Variants in POTEB3 observed in about 807,000 individuals in gnomAD.
POTEB3 encodes POTE ankyrin domain family member B3.
POTEB3 carries 5 observed loss-of-function variants against 39.8 expected under a neutral mutation model. The ratio of observed to expected loss-of-function variants is 0.13; its 90% confidence interval spans 0.07 to 0.26. The LOEUF (loss-of-function observed/expected upper bound fraction) is 0.26, where lower values mean the gene tolerates loss of function less well. POTEB3 is among the 10% of genes least tolerant of loss of function. POTEB3 has a pLI of 1.00. For synonymous variants in POTEB3, 5 were observed against 161.5 expected, an observed-to-expected ratio of 0.03 and a Z score of 7.35; for missense variants, 24 against 475.6, an observed-to-expected ratio of 0.05 and a Z score of 8.83.
At chr15:21,433,720 C>G (rs1349921403) in intron 3 of POTEB3, among the ~76,000 whole-genome samples, 71 of 149,456 alleles carry the variant, frequency 4.8e-4, no homozygotes, top group African/African-American at 1.7e-3. Flanking sequence ...TACTTATAAG[C>G]CCCTTATCTC....
chr15:21,424,935 A>G (rs1247048636), intron 6 of POTEB3: 2 of 146,800 alleles, frequency 1.4e-5, no homozygotes, highest in African/African-American at 5.1e-5. Context: ...TCCAACTATT[A>G]ATGTTATTTC....
chr15:21,431,425 ATAAAG>A (rs1392842038), intron 4 of POTEB3, among the ~76,000 whole-genome samples: 5 of 89,852 alleles, frequency 5.6e-5, no homozygotes, highest in Admixed American at 1.5e-4. Context: ...ATACTGAGTC[ATAAAG>A]TAAACTGAAA....
chr15:21,422,764 T>C (rs1198809735), intron 6 of POTEB3, among the ~76,000 whole-genome samples: 2 of 151,548 alleles, frequency 1.3e-5, no homozygotes, highest in Non-Finnish European at 2.9e-5. Flanking sequence ...ATTCTTGTTT[T>C]CCCTCAATGC....
intron 7 of POTEB3, among the ~76,000 whole-genome samples, chr15:21,421,031 C>A (rs28704083): frequency 3.2e-5 from 2 of 62,428 alleles, no homozygotes; most frequent in African/African-American, 8.1e-5. Context: ...TTTGTTTGGA[C>A]TAAACTTAAT....
chr15:21,414,460 AT>A (rs2141345678), intron 9 of POTEB3, among the ~76,000 whole-genome samples: 1 of 105,354 alleles, frequency 9.5e-6, no homozygotes, highest in Admixed American at 8.5e-5. Flanking sequence ...TATACAGAAA[AT>A]TTTTGGTTAA....
At position 21,410,002 on chromosome 15, in the gene POTEB3, CAT is replaced by C. The variant is rs1230255618; in HGVS notation, c.1534-809_1534-808del. 1.2e-4 allele frequency among the ~76,000 whole-genome samples: 10 copies of C among 86,704 alleles called. 3 individuals carry two copies. Among genetic ancestry groups the C allele is most frequent in the African/African-American group, 4.9e-4 (5 of 10,196 alleles). 56.9% of individuals were successfully genotyped at this position (86,704 alleles called of 152,430 possible). A position where few individuals can be genotyped will look rare whatever the true frequency, so the allele number is the denominator to read the frequency against. On this transcript the variant is annotated intron_variant, in intron 10 of 10. Coordinates refer to ENST00000611217, the MANE Select transcript of POTEB3 (RefSeq NM_207355.5). ...ACACACACACACACACACACACACACATATATATATGCAACGTGCAAGATTTT... is the reference window on the plus strand; with the variant it reads ...ACACACACACACACACACACACACACATATATATGCAACGTGCAAGATTTT...
intron 5 of POTEB3, among the ~76,000 whole-genome samples, chr15:21,429,239 C>G (rs71471947): frequency 0.042 from 5,583 of 134,058 alleles, 15 homozygotes; most frequent in East Asian, 0.14. Context: ...GGGGAAGGCT[C>G]ATATGGGACT....
chr15:21,423,396 CT>C (rs1898585782), intron 6 of POTEB3, among the ~76,000 whole-genome samples: 1 of 69,088 alleles, frequency 1.4e-5, no homozygotes, highest in African/African-American at 5.4e-5. Context: ...CACACCCAGC[CT>C]TGTTTTCATC....
intron 6 of POTEB3, among the ~76,000 whole-genome samples, chr15:21,422,717 A>C (rs1898556453): frequency 1.3e-5 from 2 of 150,896 alleles, no homozygotes; most frequent in African/African-American, 4.9e-5. Context: ...CTCAGCATTT[A>C]TTCATAGCTA....
Position 21,422,912 on chromosome 15 carries a change from G to A in POTEB3, c.1127-722C>T, listed in dbSNP as rs1385827026. On this transcript the variant is annotated intron_variant, in intron 6 of 10. Coordinates refer to ENST00000611217, the MANE Select transcript of POTEB3 (RefSeq NM_207355.5). ...GGGCTCAGCTTTTTGATGCAAATCC[G>A]CTGAGCTGGTGTGCACCTAAACAAA... Among the ~76,000 whole-genome samples the A allele has an allele frequency of 6.1e-3, 885 of 144,660 alleles. 2 individuals are homozygous for A. Among genetic ancestry groups the A allele is most frequent in the African/African-American group, 0.02 (788 of 38,826 alleles). The allele number at this position is 144,660 out of a possible 152,430, so 94.9% of individuals were successfully genotyped here.
rs1899201535 is a variant in POTEB3, at chr15:21,439,803, G to A, written c.209C>T (p.Pro70Leu). 1 of 1,563,936 alleles carries A rather than the reference G, an allele frequency of 6.4e-7. No individual in the cohort carries two copies. Among genetic ancestry groups the A allele is most frequent in the Non-Finnish European group, 8.7e-7 (1 of 1,147,664 alleles). The change falls in exon 1 of 11, where the codon CCC (proline) becomes CTC (leucine). Residue 70 changes from proline (P) to leucine (L), a missense_variant. By Grantham distance (98) the Pro-to-Leu change is moderately conservative. Coordinates refer to ENST00000611217, the MANE Select transcript of POTEB3 (RefSeq NM_207355.5). Reference protein sequence around the residue: ...KMGKCCHHCFPCCRGSGTSNV... With the variant: ...KMGKCCHHCFLCCRGSGTSNV... ...GCTCGTGCCGCTCCCCCTGCAGCAGGGGAAGCAGTGGTGGCAACACTTGCC... is the reference window on the plus strand; with the variant it reads ...GCTCGTGCCGCTCCCCCTGCAGCAGAGGAAGCAGTGGTGGCAACACTTGCC...
In POTEB3 at chr15:21,434,062, CACAA is replaced by C. The variant is rs1442085183; in HGVS notation, c.810+595_810+598del. Among the ~76,000 whole-genome samples, 47 of 98,818 alleles carry C rather than the reference CACAA, an allele frequency of 4.8e-4. 3 individuals carry two copies. The highest frequency in any genetic ancestry group is 7.9e-4 in the African/African-American group (14 of 17,630). 64.8% of individuals were successfully genotyped at this position (98,818 alleles called of 152,430 possible). The stretch of plus-strand genomic sequence containing the variant: ...ACACACACACACACACACACACACA[CACAA>C]ACAAAAACAAAAACAAAAAAAAAAC... On this transcript the variant is annotated intron_variant, in intron 3 of 10. Transcript: ENST00000611217.
intron 6 of POTEB3, chr15:21,425,998 T>A: frequency 3.1e-6 from 1 of 318,854 alleles, no homozygotes; most frequent in South Asian, 2.4e-5. Flanking sequence ...CTCATTTCTA[T>A]AGTATTAAAA....
At chr15:21,419,792 T>C (rs1898463727) in intron 8 of POTEB3, among the ~76,000 whole-genome samples, 162 bp from the exon 9 acceptor site, 1 of 138,566 alleles carries the variant, frequency 7.2e-6, no homozygotes, top group African/African-American at 2.9e-5. Flanking sequence ...CCGTATAATT[T>C]TAAGATGTAA....
chr15:21,406,623 G>GT lies in POTEB3; in HGVS notation c.*2359dup, dbSNP rs1234699693. Among the ~76,000 whole-genome samples the GT allele has an allele frequency of 2.1e-5, 1 of 47,098 alleles. No homozygotes were observed. Among genetic ancestry groups the GT allele is most frequent in the East Asian group, 5.3e-4 (1 of 1,870 alleles). The allele number at this position is 47,098 out of a possible 152,430, so 30.9% of individuals were successfully genotyped here. A position where few individuals can be genotyped will look rare whatever the true frequency, so the allele number is the denominator to read the frequency against. On this transcript the variant is annotated 3_prime_UTR_variant, in exon 11 of 11. Coordinates refer to ENST00000611217, the MANE Select transcript of POTEB3 (RefSeq NM_207355.5). ...CCTACCCATATCCTGAACTCTGCTTGTATCATTTCAGACATCTCAGCCTCA... is the reference window on the plus strand; with the variant it reads ...CCTACCCATATCCTGAACTCTGCTTGTTATCATTTCAGACATCTCAGCCTCA...
At chr15:21,417,935 C>T (rs1225676924) in intron 9 of POTEB3, among the ~76,000 whole-genome samples, 1 of 106,356 alleles carries the variant, frequency 9.4e-6, no homozygotes, top group South Asian at 2.3e-4. Context: ...TTCCTTTTAG[C>T]ACAAGGGTCA....
At chr15:21,430,687 CA>C (rs1898922880) in intron 4 of POTEB3, among the ~76,000 whole-genome samples, 1 of 151,092 alleles carries the variant, frequency 6.6e-6, no homozygotes, top group South Asian at 2.1e-4. Flanking sequence ...ATGCTAGGGC[CA>C]CTTATCTGAA....
intron 6 of POTEB3, among the ~76,000 whole-genome samples, chr15:21,426,473 G>A (rs1261513503): frequency 6.7e-6 from 1 of 148,938 alleles, no homozygotes; most frequent in Non-Finnish European, 1.5e-5. Flanking sequence ...TTAATTGTGT[G>A]TGTTCTGTAG....
At chr15:21,434,030 AACACACACACACACAC>A (rs60010729) in intron 3 of POTEB3, among the ~76,000 whole-genome samples, 91 of 120,056 alleles carry the variant, frequency 7.6e-4, no homozygotes, top group African/African-American at 3.2e-3. Context: ...CAACAATAAC[AACACACACACACACAC>A]ACACACACAC....
Sources: gnomAD v4.1 joint callset for allele counts (sites outside exome capture counted in the v4.1 genomes callset) on GRCh38, gnomAD v4.1.1 for gene constraint, MANE v1.5 for transcripts, NCBI Gene and HGNC (gene_info 2026-07-23, HGNC 2026-07-21) for gene names.